OR9Q1: variants seen among roughly 807,000 people sequenced by gnomAD.
OR9Q1 encodes the protein olfactory receptor family 9 subfamily Q member 1.
For missense variants in OR9Q1, 374 were observed against 378.8 expected, an observed-to-expected ratio of 0.99 and a Z score of 0.11; for synonymous variants, 153 against 148.6, an observed-to-expected ratio of 1.03 and a Z score of -0.22.
intron 2 of OR9Q1, among the ~76,000 whole-genome samples, chr11:58,141,027 G>A (rs1413086551): frequency 1.3e-5 from 2 of 152,046 alleles, no homozygotes; most frequent in Non-Finnish European, 2.9e-5. Flanking sequence ...GGATTCCTAG[G>A]TATTTTATTC....
chr11:58,141,757 G>A (rs1309288923), intron 2 of OR9Q1, among the ~76,000 whole-genome samples: 1 of 152,136 alleles, frequency 6.6e-6, no homozygotes, highest in Non-Finnish European at 1.5e-5. Flanking sequence ...GCCTGAGTGT[G>A]AGTTTGGAAC....
intron 2 of OR9Q1, among the ~76,000 whole-genome samples, chr11:58,114,273 A>G (rs1005450082): frequency 5.3e-5 from 8 of 152,138 alleles, no homozygotes; most frequent in Admixed American, 4.6e-4. Flanking sequence ...TTCTGATCCA[A>G]TTGTATCCTT....
At chr11:58,027,001 G>A (rs1298738685) in intron 1 of OR9Q1, among the ~76,000 whole-genome samples, 1 of 152,168 alleles carries the variant, frequency 6.6e-6, no homozygotes, top group Non-Finnish European at 1.5e-5. Flanking sequence ...TCAGGCAGTA[G>A]AGGAAGAACT....
chr11:58,037,689 A>ATATAGTTTTT (rs1853119570), intron 1 of OR9Q1, among the ~76,000 whole-genome samples: 1 of 6,998 alleles, frequency 1.4e-4, no homozygotes, highest in African/African-American at 4.3e-4. Context: ...ATATATATAT[A>ATATAGTTTTT]TTTTTTTTTT....
intron 2 of OR9Q1, among the ~76,000 whole-genome samples, chr11:58,143,854 C>T (rs1430115626): frequency 6.6e-6 from 1 of 151,918 alleles, no homozygotes; most frequent in African/African-American, 2.4e-5. Flanking sequence ...TACCCCAGAA[C>T]TTAACAAATA....
At chr11:58,029,383 G>T (rs1157320006) in intron 1 of OR9Q1, among the ~76,000 whole-genome samples, 1 of 152,124 alleles carries the variant, frequency 6.6e-6, no homozygotes, top group Non-Finnish European at 1.5e-5. Context: ...GGAAACTGGG[G>T]TTTCCAAGTC....
intron 2 of OR9Q1, among the ~76,000 whole-genome samples, chr11:58,129,236 CGTGTGTGTGTGTGTGTGTGTGT>C (rs59902083): frequency 6.9e-6 from 1 of 144,756 alleles, no homozygotes; most frequent in African/African-American, 2.6e-5. Context: ...CAGAGCAATT[CGTGTGTGTGTGTGTGTGTGTGT>C]GTGTGTGTGT....
At position 58,113,009 on chromosome 11, in the gene OR9Q1, G is replaced by A. The variant is rs558786568; in HGVS notation, c.-15+57062G>A. ...GAACCCTAGAGTTGGAGAGGACCTT[G>A]GTGATGTGGTTCTGTGGTTTTCTAG... On this transcript the variant is annotated intron_variant, in intron 2 of 2. Transcript: ENST00000335397. Among the ~76,000 whole-genome samples, 4 of 152,180 alleles carry A rather than the reference G, an allele frequency of 2.6e-5. No homozygotes were observed. The South Asian group carries it at 8.3e-4, about 32-fold the overall frequency.
intron 1 of OR9Q1, among the ~76,000 whole-genome samples, chr11:58,042,634 T>C (rs1248240153): frequency 4.7e-5 from 7 of 150,344 alleles, no homozygotes; most frequent in Non-Finnish European, 1.5e-5. Context: ...TGCGGGCTCT[T>C]TTTTGTTTCC....
chr11:58,152,726 A>T (rs1371773798), intron 2 of OR9Q1, among the ~76,000 whole-genome samples: 1 of 152,060 alleles, frequency 6.6e-6, no homozygotes, highest in African/African-American at 2.4e-5. Context: ...AGATTTATTC[A>T]TTTTTTTCTT....
intron 2 of OR9Q1, among the ~76,000 whole-genome samples, chr11:58,150,047 G>A (rs1442757752): frequency 6.6e-6 from 1 of 152,110 alleles, no homozygotes; most frequent in African/African-American, 2.4e-5. Context: ...ACCACCTACT[G>A]TTTTTCACAG....
At chr11:58,133,598 T>A (rs1341190228) in intron 2 of OR9Q1, among the ~76,000 whole-genome samples, 1 of 152,350 alleles carries the variant, frequency 6.6e-6, no homozygotes, top group East Asian at 1.9e-4. Flanking sequence ...ATGCCTTGCA[T>A]ACCTACTCCA....
intron 2 of OR9Q1, among the ~76,000 whole-genome samples, chr11:58,101,864 A>G (rs948168241): frequency 1.4e-4 from 21 of 152,264 alleles, no homozygotes; most frequent in African/African-American, 4.8e-4. Context: ...CTCCTGCCTC[A>G]GCCTCCCGAG....
intron 2 of OR9Q1, among the ~76,000 whole-genome samples, chr11:58,058,997 C>G (rs1031842630): frequency 4.0e-5 from 6 of 151,038 alleles, no homozygotes; most frequent in Non-Finnish European, 8.9e-5. Flanking sequence ...CCTGAACACA[C>G]TTGCTCAGGA....
At chr11:58,027,995 G>T (rs998013023) in intron 1 of OR9Q1, among the ~76,000 whole-genome samples, 2 of 152,016 alleles carry the variant, frequency 1.3e-5, no homozygotes, top group Admixed American at 6.5e-5. Context: ...CAGGGTGGAT[G>T]CTGGGGCACC....
At chr11:58,155,671 A>T (rs1854401036) in intron 2 of OR9Q1, among the ~76,000 whole-genome samples, 1 of 152,162 alleles carries the variant, frequency 6.6e-6, no homozygotes, top group Non-Finnish European at 1.5e-5. Context: ...TTCCTGTGAG[A>T]TATTGAACAA....
intron 2 of OR9Q1, among the ~76,000 whole-genome samples, chr11:58,133,920 C>T (rs907688400): frequency 3.9e-5 from 6 of 152,122 alleles, no homozygotes; most frequent in Admixed American, 3.3e-4. Context: ...GGGGTCACTG[C>T]TAGCTCCGAG....
rs547365618 is a variant in OR9Q1, at chr11:58,033,374, T to C, written c.-93+9270T>C. The stretch of plus-strand genomic sequence containing the variant: ...AGTCTAGGTGTCTATCAATGGTAGA[T>C]TGGATAAAGAAAATGCAATACATAT... On this transcript the variant is annotated intron_variant, in intron 1 of 2. Transcript: ENST00000335397. 1.1e-4 allele frequency among the ~76,000 whole-genome samples: 17 copies of C among 152,284 alleles called. No homozygotes were observed. In the South Asian group the frequency reaches 3.5e-3, roughly 32 times the overall value.
chr11:58,057,704 T>A (rs1853341266), intron 2 of OR9Q1: 1 of 152,236 alleles, frequency 6.6e-6, no homozygotes, highest in Non-Finnish European at 1.5e-5. Context: ...GACAGCTGTG[T>A]TCTCTTCCAG....
Sources: allele counts gnomAD v4.1 joint callset (sites outside exome capture counted in the v4.1 genomes callset), GRCh38; gene constraint gnomAD v4.1.1; transcripts MANE v1.5; gene names NCBI Gene and HGNC (gene_info 2026-07-23, HGNC 2026-07-21).